The following GOT2 variants were observed in gnomAD, a reference collection of about 807,000 sequenced individuals.
GOT2 encodes aspartate aminotransferase, mitochondrial.
A neutral mutation model predicts 50.0 loss-of-function variants in GOT2; 17 were observed. The observed-to-expected ratio is 0.34, with a 90% CI of 0.23 to 0.51. The LOEUF (loss-of-function observed/expected upper bound fraction) is 0.51, where lower values mean the gene tolerates loss of function less well. GOT2 is among the 20% of genes least tolerant of loss of function. GOT2 has a pLI of 0.97. For synonymous variants in GOT2, 172 were observed against 204.9 expected (o/e 0.84, Z 1.37); for missense variants, 430 against 559.6 (o/e 0.77, Z 2.34).
At chr16:58,724,458 A>T (rs945057283) in intron 1 of GOT2, among the ~76,000 whole-genome samples, 1 of 152,098 alleles carries the variant, frequency 6.6e-6, no homozygotes, top group Non-Finnish European at 1.5e-5. Context: ...ACAGTCCCAT[A>T]TACCCTTACC....
chr16:58,714,391 A>G (rs2152094272), intron 8 of GOT2, among the ~76,000 whole-genome samples: 1 of 152,104 alleles, frequency 6.6e-6, no homozygotes, highest in South Asian at 2.1e-4. Flanking sequence ...TCTCTACTAA[A>G]AATACAAAAA....
intron 1 of GOT2, among the ~76,000 whole-genome samples, chr16:58,725,766 T>C (rs1256901581): frequency 2.0e-5 from 3 of 152,198 alleles, no homozygotes; most frequent in Admixed American, 2.0e-4. Flanking sequence ...CTCTTCTTAA[T>C]TTTCTCTGGG....
chr16:58,719,125 AAT>A, intron 4 of GOT2, 69 bp downstream of exon 4: 2 of 1,076,112 alleles, frequency 1.9e-6, no homozygotes, highest in South Asian at 2.5e-5. Flanking sequence ...TCAACAGTCA[AAT>A]ACACACACAA....
intron 8 of GOT2, among the ~76,000 whole-genome samples, chr16:58,715,278 G>A (rs534253021): frequency 5.9e-5 from 9 of 152,302 alleles, no homozygotes; most frequent in African/African-American, 2.2e-4. Context: ...GTTTTCCTAT[G>A]TAAGGTACTT....
In GOT2 at chr16:58,709,435, T is replaced by C. The variant is rs779368248; in HGVS notation, c.1152A>G (p.Thr384=). 1.9e-6 allele frequency: 3 copies of C among 1,612,078 alleles called. No homozygotes were observed. The highest frequency in any genetic ancestry group is 1.3e-5 in the African/African-American group (1 of 74,938). The part of the protein sequence containing the change: ...ITDQIGMFCF[T]GLKPEQVERL... Reference sequence around the variant, plus strand: ...CACTCACCTGTTCAGGCTTTAGCCCTGTGAAACAGAACATGCCAATTTGGT... The same window carrying C: ...CACTCACCTGTTCAGGCTTTAGCCCCGTGAAACAGAACATGCCAATTTGGT... Residue 384 remains threonine, a synonymous_variant, in exon 9 of 10, where the codon ACA becomes ACG. Transcript: ENST00000245206.
intron 8 of GOT2, among the ~76,000 whole-genome samples, chr16:58,709,997 C>T (rs937746145): frequency 1.3e-5 from 2 of 152,052 alleles, no homozygotes; most frequent in African/African-American, 4.8e-5. Context: ...AGTTTAATAC[C>T]TGTTCTGAGC....
chr16:58,733,546 G>A (rs1034565220), intron 1 of GOT2, among the ~76,000 whole-genome samples: 1 of 152,142 alleles, frequency 6.6e-6, no homozygotes, highest in Admixed American at 6.5e-5. Context: ...AGGCCAAACG[G>A]GCCCCGGGGT....
chr16:58,729,337 G>T (rs2044813468), intron 1 of GOT2, among the ~76,000 whole-genome samples: 1 of 147,428 alleles, frequency 6.8e-6, no homozygotes, highest in Admixed American at 7.0e-5. Flanking sequence ...GATTATAAAA[G>T]AGAACACTTC....
Position 58,723,782 on chromosome 16 carries a change from A to G in GOT2, c.210T>C (p.Asp70=). The G allele has an allele frequency of 1.9e-6, 3 of 1,613,054 alleles. No homozygotes were observed. The highest frequency in any genetic ancestry group is 2.5e-6 in the Non-Finnish European group (3 of 1,179,080). ...MNLGVGAYRD[D]NGKPYVLPSV... ...TAGGCAGAACGTAAGGCTTTCCATT[A>G]TCATCCCGGTAGGCACCAACTCCCA... Residue 70 remains aspartate (D), a synonymous_variant, in exon 2 of 10, where the codon GAT becomes GAC. Transcript: ENST00000245206.
At chr16:58,715,945 T>C (rs1299685844) in intron 8 of GOT2, 69 bp downstream of exon 8, 2 of 1,303,740 alleles carry the variant, frequency 1.5e-6, no homozygotes, top group African/African-American at 1.5e-5. Flanking sequence ...TAGAGGTCAA[T>C]TAAAAACTAA....
At chr16:58,710,967 C>CAAA (rs35679170) in intron 8 of GOT2, among the ~76,000 whole-genome samples, 58 of 72,962 alleles carry the variant, frequency 7.9e-4, no homozygotes, top group East Asian at 1.9e-3. Flanking sequence ...GACTCTGTCT[C>CAAA]AAAAAAAAAA....
chr16:58,713,120 C>CA (rs1352687854), intron 8 of GOT2, among the ~76,000 whole-genome samples: 3 of 150,830 alleles, frequency 2.0e-5, no homozygotes, highest in African/African-American at 4.9e-5. Flanking sequence ...ACACAAAAAA[C>CA]AAAAAAACCA....
At chr16:58,715,915 T>C (rs2044688235) in intron 8 of GOT2, 99 bp downstream of exon 8, 5 of 908,098 alleles carry the variant, frequency 5.5e-6, no homozygotes, top group Non-Finnish European at 8.2e-6. Flanking sequence ...ATATGGAATC[T>C]ATGGGGTACT....
chr16:58,730,045 T>C (rs1216542415), intron 1 of GOT2, among the ~76,000 whole-genome samples: 1 of 152,118 alleles, frequency 6.6e-6, no homozygotes, highest in Non-Finnish European at 1.5e-5. Flanking sequence ...TGAGACAAGT[T>C]TATAATCCAG....
At chr16:58,719,053 T>TC (rs766387986) in intron 4 of GOT2, 143 bp downstream of exon 4, 1 of 666,608 alleles carries the variant, frequency 1.5e-6, no homozygotes, top group Non-Finnish European at 2.7e-6. Context: ...CAAAGTCCTT[T>TC]CATTTTTTCA....
chr16:58,726,507 A>ATTTATTTG, intron 1 of GOT2, among the ~76,000 whole-genome samples: 1 of 141,796 alleles, frequency 7.1e-6, no homozygotes, highest in African/African-American at 2.6e-5. Flanking sequence ...TTATTTATTT[A>ATTTATTTG]TTTTTGAGAC....
chr16:58,730,232 G>A (rs953348804), intron 1 of GOT2, among the ~76,000 whole-genome samples: 26 of 152,080 alleles, frequency 1.7e-4, no homozygotes, highest in Non-Finnish European at 4.4e-5. Context: ...AGGTTCACGG[G>A]TACATGTGCA....
At chr16:58,727,809 A>G (rs1456417580) in intron 1 of GOT2, among the ~76,000 whole-genome samples, 5 of 152,192 alleles carry the variant, frequency 3.3e-5, no homozygotes, top group Admixed American at 3.3e-4. Flanking sequence ...TTAAGAATAA[A>G]GGCTCACGGT....
intron 1 of GOT2, among the ~76,000 whole-genome samples, chr16:58,731,962 TTC>T (rs796664449): frequency 2.6e-5 from 4 of 152,352 alleles, no homozygotes; most frequent in African/African-American, 7.2e-5. Context: ...TGGCATCTGA[TTC>T]TGTCACCTAA....
Sources: gnomAD v4.1 joint callset for allele counts (sites outside exome capture counted in the v4.1 genomes callset) on GRCh38, gnomAD v4.1.1 for gene constraint, MANE v1.5 for transcripts, NCBI Gene and HGNC (gene_info 2026-07-23, HGNC 2026-07-21) for gene names.